The following WIPI1 variants were observed in gnomAD, a reference collection of about 807,000 sequenced individuals.
WIPI1 encodes the protein WD repeat domain phosphoinositide-interacting protein 1.
In WIPI1, 45 loss-of-function variants were observed where a neutral mutation model predicts 55.3. The ratio of observed to expected loss-of-function variants is 0.81; its 90% CI spans 0.64 to 1.04. WIPI1 has a LOEUF of 1.04. Ranked by LOEUF, WIPI1 falls within the 50% of genes least tolerant of loss-of-function variation. The probability of loss-of-function intolerance (pLI) is 0.00; values close to 1 mark genes in which losing one functional copy is unlikely to be tolerated. For synonymous variants in WIPI1, 195 were observed against 217.6 expected (o/e 0.90, Z 0.92); for missense variants, 445 against 559.0 (o/e 0.80, Z 2.06).
At chr17:68,449,257 T>C (rs745988351) in intron 3 of WIPI1, among the ~76,000 whole-genome samples, 3 of 152,216 alleles carry the variant, frequency 2.0e-5, no homozygotes, top group Non-Finnish European at 2.9e-5. Context: ...GAAACAGATA[T>C]TTATGAGCAC....
At position 68,450,874 on chromosome 17, in the gene WIPI1, C is replaced by T. The variant is rs750723237; in HGVS notation, c.187G>A (p.Val63Met). Residue 63 changes from valine to methionine, a missense_variant, in exon 3 of 13, where the codon GTG becomes ATG. By Grantham distance (21) the Val-to-Met change is conservative. Transcript: ENST00000262139. Reference sequence around the variant, plus strand: ...AGGCTGCTGGAGAAGAGGCGCTCCACGATGTAGACGTCCGGGATTTCATCT... The same window carrying T: ...AGGCTGCTGGAGAAGAGGCGCTCCATGATGTAGACGTCCGGGATTTCATCT... ...GSNEIPDVYI[V>M]ERLFSSSLVV... 50 of 1,613,104 alleles carry T rather than the reference C, an allele frequency of 3.1e-5. No homozygotes were observed. Among genetic ancestry groups the T allele is most frequent in the South Asian group, 5.5e-5 (5 of 90,970 alleles).
rs780334658 is a variant in WIPI1 at position 68,450,842 on chromosome 17, C to T, written c.219G>A (p.Val73=). 2.4e-5 allele frequency: 39 copies of T among 1,614,050 alleles called. No homozygotes were observed. The highest frequency in any genetic ancestry group is 1.1e-4 in the African/African-American group (8 of 74,950). ...GCCGTGGTTTTGTGTGACTGACTAC[C>T]ACCACCAGGCTGCTGGAGAAGAGGC... ...VERLFSSSLV[V]VVSHTKPRQM... is the part of the protein sequence containing the mutation. The change falls in exon 3 of 13, where the codon GTG becomes GTA. Residue 73 remains valine, a synonymous_variant. Coordinates refer to ENST00000262139, the MANE Select transcript of WIPI1 (RefSeq NM_017983.7).
intron 8 of WIPI1, 100 bp downstream of exon 8, chr17:68,433,368 T>C: frequency 1.8e-6 from 2 of 1,104,498 alleles, no homozygotes; most frequent in South Asian, 1.3e-5. Flanking sequence ...GAAGCCAAGA[T>C]TGGGTGTTCA....
intron 3 of WIPI1, among the ~76,000 whole-genome samples, chr17:68,449,495 C>T (rs965465913): frequency 2.0e-5 from 3 of 152,142 alleles, no homozygotes. Context: ...AATCTCATGT[C>T]GAATTGTAAT....
Position 68,433,466 on chromosome 17 carries a change from G to A in WIPI1, c.800+2C>T, listed in dbSNP as rs768603769. 2.5e-6 allele frequency: 4 copies of A among 1,613,650 alleles called. No homozygotes were observed. The highest frequency in any genetic ancestry group is 2.7e-5 in the African/African-American group (2 of 74,862). The stretch of plus-strand genomic sequence containing the variant: ...GCATTTGGTGCCCCGCGGAGTACTT[G>A]CCTGTTGGTGACCTGTTCCAGCTTG... On this transcript the variant is annotated splice_donor_variant, in intron 8 of 12. Coordinates refer to ENST00000262139, the MANE Select transcript of WIPI1 (RefSeq NM_017983.7). LOFTEE classifies it low-confidence loss of function (GC_TO_GT_DONOR).
intron 8 of WIPI1, among the ~76,000 whole-genome samples, chr17:68,430,702 G>A (rs542171758): frequency 6.6e-6 from 1 of 152,294 alleles, no homozygotes; most frequent in South Asian, 2.1e-4. Context: ...AAGGGACCTG[G>A]GATGTCGCCT....
At position 68,424,858 on chromosome 17, in the gene WIPI1, C is replaced by G. The variant is rs184329751; in HGVS notation, c.1293+1217G>C. Among the ~76,000 whole-genome samples the G allele has an allele frequency of 2.6e-4, 40 of 152,342 alleles. No individual in the cohort carries two copies. In the East Asian group the frequency reaches 7.1e-3, roughly 27 times the overall value. ...CACCACTGCACTCCAGCCTGGGTGA[C>G]AGAGCAAGACTCCGTCTCAAAAACA... On this transcript the variant is annotated intron_variant, in intron 12 of 12. Transcript: ENST00000262139.
intron 1 of WIPI1, among the ~76,000 whole-genome samples, chr17:68,453,522 G>A (rs1274060590): frequency 3.5e-5 from 5 of 142,964 alleles, no homozygotes; most frequent in Non-Finnish European, 4.5e-5. Context: ...TCTGTCACCC[G>A]GGCTGGAGTG....
chr17:68,445,218 C>A (rs1373533579), intron 3 of WIPI1, among the ~76,000 whole-genome samples: 1 of 152,188 alleles, frequency 6.6e-6, no homozygotes, highest in Non-Finnish European at 1.5e-5. Context: ...CCGCGTTCAA[C>A]AGGACTTCTG....
chr17:68,450,080 C>T (rs571668642), intron 3 of WIPI1, among the ~76,000 whole-genome samples: 6 of 152,168 alleles, frequency 3.9e-5, no homozygotes, highest in Non-Finnish European at 8.8e-5. Context: ...ACCCCCAATA[C>T]TTACTGAATA....
chr17:68,457,137 A>G (rs1018182515), intron 1 of WIPI1, among the ~76,000 whole-genome samples: 1 of 151,410 alleles, frequency 6.6e-6, no homozygotes, highest in Non-Finnish European at 1.5e-5. Context: ...CTGGGAGGAC[A>G]CTGGGAGTGG....
At chr17:68,454,642 A>G (rs2084600640) in intron 1 of WIPI1, among the ~76,000 whole-genome samples, 1 of 152,234 alleles carries the variant, frequency 6.6e-6, no homozygotes, top group African/African-American at 2.4e-5. Flanking sequence ...GTAAGCCCAG[A>G]GCATCTTAAA....
At chr17:68,432,217 G>C (rs765424141) in intron 8 of WIPI1, among the ~76,000 whole-genome samples, 4 of 152,146 alleles carry the variant, frequency 2.6e-5, no homozygotes, top group African/African-American at 9.7e-5. Context: ...CACTGGGGGT[G>C]GGGGGAGACA....
intron 1 of WIPI1, among the ~76,000 whole-genome samples, chr17:68,454,271 T>G (rs1406312565): frequency 6.6e-6 from 1 of 152,196 alleles, no homozygotes; most frequent in Non-Finnish European, 1.5e-5. Context: ...CTCACAGAAG[T>G]GTGCTTCTCT....
chr17:68,443,285 A>AT (rs1428401925), intron 4 of WIPI1, among the ~76,000 whole-genome samples: 1 of 151,750 alleles, frequency 6.6e-6, no homozygotes, highest in Non-Finnish European at 1.5e-5. Flanking sequence ...TAATTTTTGT[A>AT]TTTTTTTGGT....
chr17:68,426,619 G>A (rs151230721), intron 11 of WIPI1, among the ~76,000 whole-genome samples: 3,387 of 152,230 alleles, frequency 0.022, 132 homozygotes, highest in African/African-American at 0.077. Flanking sequence ...TGCAATCTCC[G>A]CCTCTCTGGT....
chr17:68,452,892 T>C lies in WIPI1; in HGVS notation c.163+18A>G. On this transcript the variant is annotated intron_variant, in intron 2 of 12. Transcript: ENST00000262139. ...GGTTCTCCTGCAGATCCCTGAGGTC[T>C]CTCTCACACACACTTACTGCTTCCG... 6.2e-7 allele frequency: 1 copy of C among 1,611,400 alleles called. No individual in the cohort carries two copies. The highest frequency in any genetic ancestry group is 2.2e-5 in the East Asian group (1 of 44,872).
chr17:68,424,314 G>A, intron 12 of WIPI1: 1 of 432,318 alleles, frequency 2.3e-6, no homozygotes, highest in Non-Finnish European at 4.7e-6. Flanking sequence ...AGCCGATGTG[G>A]GAAATCACAA....
intron 4 of WIPI1, among the ~76,000 whole-genome samples, chr17:68,438,090 A>C (rs559149644): frequency 2.6e-5 from 4 of 152,306 alleles, no homozygotes; most frequent in African/African-American, 9.6e-5. Context: ...AGGAGAGCAA[A>C]GGAAAAAGAA....
Sources: gnomAD v4.1 joint callset for allele counts (sites outside exome capture counted in the v4.1 genomes callset) on GRCh38, gnomAD v4.1.1 for gene constraint, MANE v1.5 for transcripts, NCBI Gene and HGNC (gene_info 2026-07-23, HGNC 2026-07-21) for gene names.